The following GPC6 variants were observed in gnomAD, a reference collection of about 807,000 sequenced individuals.
GPC6 encodes the protein glypican-6.
Under a neutral mutation model 55.2 loss-of-function variants are expected in GPC6, and 14 were observed. That is an observed-to-expected ratio of 0.25 (90% CI 0.17 to 0.40). The LOEUF is 0.40. Among genes scored for constraint, GPC6 ranks in the 10% least tolerant of loss-of-function variants. The pLI, the probability that GPC6 is intolerant of heterozygous loss-of-function variation, is 1.00. For synonymous variants in GPC6, 278 were observed against 259.6 expected, an observed-to-expected ratio of 1.07 and a Z score of -0.68; for missense variants, 641 against 708.5, an observed-to-expected ratio of 0.90 and a Z score of 1.08.
intron 1 of GPC6, among the ~76,000 whole-genome samples, chr13:93,384,759 A>G (rs547793813): frequency 2.0e-5 from 3 of 152,236 alleles, no homozygotes; most frequent in Admixed American, 6.5e-5. Flanking sequence ...TTTCATGCCA[A>G]CAGATAGCAA....
chr13:94,134,737 T>C (rs375965424), intron 4 of GPC6, among the ~76,000 whole-genome samples: 25 of 152,290 alleles, frequency 1.6e-4, no homozygotes, highest in African/African-American at 5.8e-4. Context: ...GTAGGGAATC[T>C]ATATGCAGAA....
chr13:93,575,756 C>T (rs569923080), intron 2 of GPC6, among the ~76,000 whole-genome samples: 4 of 152,266 alleles, frequency 2.6e-5, no homozygotes, highest in Admixed American at 2.0e-4. Context: ...AAGAATATTG[C>T]ATCTGCCAAG....
chr13:93,561,376 A>G (rs1259535790), intron 2 of GPC6, among the ~76,000 whole-genome samples: 1 of 119,232 alleles, frequency 8.4e-6, no homozygotes, highest in East Asian at 2.0e-4. Context: ...ACACATTTAT[A>G]TCAATAATTG....
At chr13:94,365,523 A>T (rs1322803812) in intron 6 of GPC6, among the ~76,000 whole-genome samples, 1 of 152,188 alleles carries the variant, frequency 6.6e-6, no homozygotes, top group African/African-American at 2.4e-5. Context: ...TTAAGTACAA[A>T]TCAAATCATA....
At chr13:94,337,961 G>T (rs530622469) in intron 6 of GPC6, among the ~76,000 whole-genome samples, 1 of 152,192 alleles carries the variant, frequency 6.6e-6, no homozygotes, top group African/African-American at 2.4e-5. Context: ...ACCTTCGAGG[G>T]CACACGCTAA....
intron 3 of GPC6, among the ~76,000 whole-genome samples, chr13:93,981,702 G>T (rs1468305067): frequency 6.6e-6 from 1 of 151,990 alleles, no homozygotes; most frequent in Non-Finnish European, 1.5e-5. Context: ...CATAAAATAT[G>T]CACTTAAGCT....
intron 1 of GPC6, among the ~76,000 whole-genome samples, chr13:93,285,895 G>A (rs1286857509): frequency 6.6e-6 from 1 of 152,018 alleles, no homozygotes; most frequent in Non-Finnish European, 1.5e-5. Flanking sequence ...ACTTACATGA[G>A]AAATACAGAT....
chr13:94,288,749 A>AATATATATAATAAATATATATATTTGTT (rs1566637348), intron 5 of GPC6, among the ~76,000 whole-genome samples: 8 of 91,702 alleles, frequency 8.7e-5, no homozygotes, highest in Non-Finnish European at 1.7e-4. Flanking sequence ...ATATATATAT[A>AATATATATAATAAATATATATATTTGTT]ATATATATAA....
At chr13:93,916,802 A>G (rs1464860138) in intron 3 of GPC6, among the ~76,000 whole-genome samples, 1 of 140,732 alleles carries the variant, frequency 7.1e-6, no homozygotes, top group Non-Finnish European at 1.6e-5. Context: ...TCTTTGTGGC[A>G]TGGGGGAGGG....
intron 5 of GPC6, among the ~76,000 whole-genome samples, chr13:94,297,060 T>G (rs376270888): frequency 3.3e-5 from 5 of 152,176 alleles, no homozygotes; most frequent in African/African-American, 1.2e-4. Context: ...TCCTAAAAAC[T>G]TAACATGTAG....
At chr13:93,419,234 A>G (rs1876833904) in intron 1 of GPC6, among the ~76,000 whole-genome samples, 1 of 151,686 alleles carries the variant, frequency 6.6e-6, no homozygotes, top group South Asian at 2.1e-4. Context: ...TAAGAATAAT[A>G]TACATATATT....
At chr13:94,106,289 A>G (rs901160092) in intron 4 of GPC6, among the ~76,000 whole-genome samples, 6 of 151,500 alleles carry the variant, frequency 4.0e-5, no homozygotes, top group Non-Finnish European at 7.4e-5. Context: ...CAACAGTGTT[A>G]GATGCCCTAA....
At chr13:93,576,234 G>A (rs913882491) in intron 2 of GPC6, among the ~76,000 whole-genome samples, 2 of 152,080 alleles carry the variant, frequency 1.3e-5, no homozygotes, top group African/African-American at 4.8e-5. Flanking sequence ...ACAGAACAGT[G>A]TTAGATCCAG....
At chr13:93,765,911 T>A (rs1260063982) in intron 2 of GPC6, among the ~76,000 whole-genome samples, 1 of 152,236 alleles carries the variant, frequency 6.6e-6, no homozygotes, top group African/African-American at 2.4e-5. Flanking sequence ...TTAACATTTG[T>A]AAAACTCAAG....
At chr13:93,841,268 G>C (rs537986579) in intron 3 of GPC6, among the ~76,000 whole-genome samples, 6 of 152,264 alleles carry the variant, frequency 3.9e-5, no homozygotes, top group Admixed American at 2.6e-4. Flanking sequence ...CTGACATAGT[G>C]AAGCGGGACT....
intron 4 of GPC6, among the ~76,000 whole-genome samples, chr13:94,282,321 C>T (rs886264495): frequency 6.6e-6 from 1 of 152,140 alleles, no homozygotes; most frequent in Non-Finnish European, 1.5e-5. Context: ...TCCTTCTTCA[C>T]ATGGCAACGT....
intron 6 of GPC6, among the ~76,000 whole-genome samples, chr13:94,358,209 G>A (rs1348165759): frequency 6.6e-6 from 1 of 150,768 alleles, no homozygotes; most frequent in Admixed American, 6.6e-5. Context: ...AGAATCACTT[G>A]AACCCGGAAG....
At chr13:94,115,547 C>T (rs933777973) in intron 4 of GPC6, among the ~76,000 whole-genome samples, 1 of 152,112 alleles carries the variant, frequency 6.6e-6, no homozygotes, top group Non-Finnish European at 1.5e-5. Flanking sequence ...GACCCTTCCT[C>T]AGGTCCCAAA....
intron 7 of GPC6, among the ~76,000 whole-genome samples, chr13:94,390,795 C>T (rs1156836472): frequency 6.6e-6 from 1 of 152,128 alleles, no homozygotes; most frequent in Non-Finnish European, 1.5e-5. Context: ...CACTTCCCTT[C>T]TTCAGACACA....
Sources: allele counts gnomAD v4.1 joint callset (sites outside exome capture counted in the v4.1 genomes callset), GRCh38; gene constraint gnomAD v4.1.1; transcripts MANE v1.5; gene names NCBI Gene and HGNC (gene_info 2026-07-23, HGNC 2026-07-21).